The following IFT172 variants were observed in gnomAD, a reference collection of about 807,000 sequenced individuals.
IFT172 encodes the protein intraflagellar transport 172.
In IFT172, 164 loss-of-function variants were observed where a neutral mutation model predicts 248.9. The ratio of observed to expected loss-of-function variants is 0.66; its 90% CI spans 0.58 to 0.75. The LOEUF (loss-of-function observed/expected upper bound fraction) is 0.75, where lower values mean the gene tolerates loss of function less well. Among genes scored for constraint, IFT172 ranks in the 30% least tolerant of loss-of-function variants. The probability of loss-of-function intolerance (pLI) is 0.00; values close to 1 mark genes in which losing one functional copy is unlikely to be tolerated. For missense variants in IFT172, 1,950 were observed against 2,192.4 expected (o/e 0.89, Z 2.21); for synonymous variants, 729 against 791.6 (o/e 0.92, Z 1.33).
In IFT172 at chr2:27,486,227, G is replaced by T. The variant is rs1415811188; in HGVS notation, c.40-724C>A. On this transcript the variant is annotated intron_variant, in intron 1 of 47. Coordinates refer to ENST00000260570, the MANE Select transcript of IFT172 (RefSeq NM_015662.3). Reference sequence around the variant, plus strand: ...CCAGCTCAGGAAGTCTTTGAAGCCAGGCAAAGGAGTTTGGGCTTATTTGAA... The same window carrying T: ...CCAGCTCAGGAAGTCTTTGAAGCCATGCAAAGGAGTTTGGGCTTATTTGAA... 4.2e-5 allele frequency: 7 copies of T among 167,194 alleles called. No homozygotes were observed. In the East Asian group the frequency reaches 1.3e-3, roughly 32 times the overall value. The allele number at this position is 167,194 out of a possible 1,614,324, so 10.4% of individuals were successfully genotyped here. A position where few individuals can be genotyped will look rare whatever the true frequency, so the allele number is the denominator to read the frequency against.
At chr2:27,450,125 G>C in intron 35 of IFT172, 29 bp from the exon 36 acceptor site, 3 of 1,535,436 alleles carry the variant, frequency 2.0e-6, no homozygotes, top group Non-Finnish European at 2.7e-6. Flanking sequence ...GATGGAAATG[G>C]GTAGGAGAGA....
chr2:27,450,553 TC>T (rs1665563154), intron 35 of IFT172, among the ~76,000 whole-genome samples: 1 of 152,200 alleles, frequency 6.6e-6, no homozygotes, highest in Non-Finnish European at 1.5e-5. Context: ...ATGGAAAATA[TC>T]TAAATAATGT....
chr2:27,478,354 A>G (rs1251430163), intron 10 of IFT172, among the ~76,000 whole-genome samples, 198 bp from the exon 11 acceptor site: 1 of 152,224 alleles, frequency 6.6e-6, no homozygotes, highest in Non-Finnish European at 1.5e-5. Flanking sequence ...TTCCTATATT[A>G]TCTCTTTTGA....
chr2:27,476,200 T>C (rs559295237), intron 14 of IFT172, among the ~76,000 whole-genome samples: 2 of 152,328 alleles, frequency 1.3e-5, no homozygotes, highest in Non-Finnish European at 2.9e-5. Flanking sequence ...CCTTCTCTAC[T>C]ACTCACAATT....
intron 36 of IFT172, 86 bp downstream of exon 36, chr2:27,449,912 C>T: frequency 7.1e-7 from 1 of 1,410,474 alleles, no homozygotes; most frequent in South Asian, 1.2e-5. Flanking sequence ...AGGAGGCCCA[C>T]CTCACACACC....
intron 14 of IFT172, among the ~76,000 whole-genome samples, chr2:27,474,027 C>T (rs369010998): frequency 8.7e-4 from 133 of 152,112 alleles, no homozygotes; most frequent in African/African-American, 2.7e-3. Flanking sequence ...AGGCTGGTCT[C>T]GAACTCCTGA....
chr2:27,480,951 C>T (rs2148549643), intron 8 of IFT172, 95 bp downstream of exon 8: 2 of 906,782 alleles, frequency 2.2e-6, no homozygotes, highest in African/African-American at 1.6e-5. Flanking sequence ...TTTGATTCTG[C>T]TCCAGTCTCG....
rs144623800 is a variant in IFT172 at position 27,457,091 on chromosome 2, C to T, written c.3229-438G>A. 7.7e-3 allele frequency among the ~76,000 whole-genome samples: 1,167 copies of T among 152,146 alleles called. 12 individuals are homozygous for T. The highest frequency in any genetic ancestry group is 0.027 in the African/African-American group (1,110 of 41,516). ...AGTTAACAGGAAGAGGGCTAAATTT[C>T]AGGGTTTCTTAACTTAGGTTAAAGT... On this transcript the variant is annotated intron_variant, in intron 29 of 47. Coordinates refer to ENST00000260570, the MANE Select transcript of IFT172 (RefSeq NM_015662.3).
intron 25 of IFT172, 160 bp from the exon 26 acceptor site, chr2:27,459,028 C>T (rs1464376191): frequency 2.7e-6 from 2 of 749,018 alleles, no homozygotes; most frequent in East Asian, 5.5e-5. Context: ...ATACATTCTA[C>T]CATTTAAAAA....
At chr2:27,446,680 ATTTTTTTTTT>A (rs766069964) in intron 42 of IFT172, among the ~76,000 whole-genome samples, 1,092 of 80,468 alleles carry the variant, frequency 0.014, 14 homozygotes, top group African/African-American at 0.051. Flanking sequence ...TGCCTGGCTA[ATTTTTTTTTT>A]TTTTTTTTTT....
chr2:27,484,938 A>G (rs1266858483), intron 3 of IFT172, 80 bp downstream of exon 3: 3 of 848,164 alleles, frequency 3.5e-6, no homozygotes, highest in Non-Finnish European at 6.0e-6. Flanking sequence ...CATCCCCTGT[A>G]TTTCCCCTCC....
intron 16 of IFT172, 82 bp from the exon 17 acceptor site, chr2:27,465,964 C>T (rs1372222359): frequency 4.3e-5 from 66 of 1,523,068 alleles, no homozygotes; most frequent in East Asian, 1.4e-4. Context: ...CACCCTCATC[C>T]GACCCAGTCA....
At chr2:27,458,031 CT>C in intron 27 of IFT172, 55 bp from the exon 28 acceptor site, 1 of 1,613,720 alleles carries the variant, frequency 6.2e-7, no homozygotes, top group Non-Finnish European at 8.5e-7. Flanking sequence ...CTATCACTGC[CT>C]TCTGGGCAGA....
rs527899844 is a variant in IFT172 at position 27,469,168 on chromosome 2, C to T, written c.1692+1760G>A. 7.3e-5 allele frequency among the ~76,000 whole-genome samples: 11 copies of T among 151,052 alleles called. 1 individual carries two copies. Among genetic ancestry groups the T allele is most frequent in the African/African-American group, 2.7e-4 (11 of 41,164 alleles). ...CAGCACTTTGGGAGCCTGACGGAGG[C>T]GGATCACTTGAGGTCAAGAGTTCGA... On this transcript the variant is annotated intron_variant, in intron 16 of 47. Coordinates refer to ENST00000260570, the MANE Select transcript of IFT172 (RefSeq NM_015662.3).
At position 27,445,971 on chromosome 2, in the gene IFT172, G is replaced by A. The variant is rs770759155; in HGVS notation, c.4773C>T (p.Asn1591=). Residue 1591 remains asparagine, a synonymous_variant, in exon 44 of 48, where the codon AAC becomes AAT. Transcript: ENST00000260570. The surrounding 1 kb of genome is among the most constrained non-coding windows in gnomAD (Gnocchi z 4.4). The part of the protein sequence containing the change: ...GIAAKAVGWD[N]MAFIFLNRFL... ...AGCGATTGAGGAAGATGAATGCCATGTTATCCCAGCCAACTGCCTGCAGCA... is the reference window on the plus strand; with the variant it reads ...AGCGATTGAGGAAGATGAATGCCATATTATCCCAGCCAACTGCCTGCAGCA... 1 of 1,614,244 alleles carries A rather than the reference G, an allele frequency of 6.2e-7. No homozygotes were observed. Among genetic ancestry groups the A allele is most frequent in the East Asian group, 2.2e-5 (1 of 44,892 alleles).
At chr2:27,453,573 G>A in intron 34 of IFT172, 57 bp downstream of exon 34, 2 of 1,609,226 alleles carry the variant, frequency 1.2e-6, no homozygotes, top group African/African-American at 1.3e-5. Context: ...TCTATCCTGT[G>A]TATGCCTCAT....
Position 27,458,854 on chromosome 2 carries a change from G to T in IFT172, c.2802C>A (p.Leu934=). ...SLQEYEIAEE[L]YTKGDRTKDA... The stretch of plus-strand genomic sequence containing the variant: ...CTTTTGTCCGATCTCCCTTAGTATA[G>T]AGCTCCTCAGCAATCTGTAGTTGAT... The change falls in exon 26 of 48, where the codon CTC becomes CTA. Residue 934 remains leucine (L), a synonymous_variant. Coordinates refer to ENST00000260570, the MANE Select transcript of IFT172 (RefSeq NM_015662.3). The T allele has an allele frequency of 1.2e-6, 2 of 1,614,050 alleles. No individual in the cohort carries two copies. The highest frequency in any genetic ancestry group is 2.2e-5 in the East Asian group (1 of 44,868).
chr2:27,447,712 C>G, intron 41 of IFT172, 78 bp from the exon 42 acceptor site: 2 of 1,610,484 alleles, frequency 1.2e-6, no homozygotes, highest in Non-Finnish European at 1.7e-6. Flanking sequence ...TGATAGCCAC[C>G]TGGCAGAGGA....
intron 23 of IFT172, 121 bp downstream of exon 23, chr2:27,460,894 G>A (rs942143766): frequency 9.6e-5 from 98 of 1,020,176 alleles, no homozygotes; most frequent in Non-Finnish European, 1.2e-4. Flanking sequence ...CAAATCTCTC[G>A]TCCCACCTTA....
Sources: allele counts gnomAD v4.1 joint callset (sites outside exome capture counted in the v4.1 genomes callset), GRCh38; gene constraint gnomAD v4.1.1; non-coding constraint Gnocchi (gnomAD v3.1); transcripts MANE v1.5; gene names NCBI Gene and HGNC (gene_info 2026-07-23, HGNC 2026-07-21).